The following SLX4IP variants were observed in gnomAD, a reference collection of about 807,000 sequenced individuals.
The protein encoded by SLX4IP is protein SLX4IP.
A neutral mutation model predicts 32.9 loss-of-function variants in SLX4IP; 34 were observed. The ratio of observed to expected loss-of-function variants is 1.03; its 90% CI spans 0.79 to 1.38. The LOEUF (loss-of-function observed/expected upper bound fraction) is 1.38, where lower values mean the gene tolerates loss of function less well. Among genes scored for constraint, SLX4IP ranks in the 40% most tolerant of loss-of-function variants. The probability of loss-of-function intolerance (pLI) is 0.00; values close to 1 mark genes in which losing one functional copy is unlikely to be tolerated. For synonymous variants in SLX4IP, 172 were observed against 171.7 expected (o/e 1.00, Z -0.01); for missense variants, 444 against 479.0 (o/e 0.93, Z 0.68).
chr20:10,506,780 G>C (rs2065763565), intron 2 of SLX4IP, among the ~76,000 whole-genome samples: 1 of 152,170 alleles, frequency 6.6e-6, no homozygotes. Flanking sequence ...CTATCCAACA[G>C]GAAAAAGCAG....
At chr20:10,604,034 A>G (rs898726196) in intron 6 of SLX4IP, among the ~76,000 whole-genome samples, 1 of 152,326 alleles carries the variant, frequency 6.6e-6, no homozygotes, top group South Asian at 2.1e-4. Context: ...CACTTGTTCC[A>G]TACTTCAAAT....
chr20:10,478,972 C>G (rs1321805428), intron 2 of SLX4IP, among the ~76,000 whole-genome samples: 2 of 152,230 alleles, frequency 1.3e-5, no homozygotes, highest in Non-Finnish European at 2.9e-5. Context: ...GGCGTATTAC[C>G]TCTATTCAGG....
At chr20:10,463,089 A>T (rs1447552056) in intron 2 of SLX4IP, among the ~76,000 whole-genome samples, 1 of 152,184 alleles carries the variant, frequency 6.6e-6, no homozygotes, top group Non-Finnish European at 1.5e-5. Context: ...AAACCCAAAG[A>T]GCCAGACGGT....
intron 6 of SLX4IP, among the ~76,000 whole-genome samples, chr20:10,609,577 C>T (rs3891507): frequency 1.3e-5 from 2 of 152,224 alleles, no homozygotes; most frequent in Non-Finnish European, 2.9e-5. Flanking sequence ...CCCAGGGCTA[C>T]TGTGGGCTCT....
intron 1 of SLX4IP, among the ~76,000 whole-genome samples, chr20:10,453,800 G>A (rs2065263376): frequency 6.6e-6 from 1 of 152,042 alleles, no homozygotes; most frequent in Non-Finnish European, 1.5e-5. Flanking sequence ...TGTAATATGG[G>A]TCAGTCTCCA....
chr20:10,611,314 C>T (rs970311311), intron 6 of SLX4IP, among the ~76,000 whole-genome samples: 4 of 152,182 alleles, frequency 2.6e-5, no homozygotes, highest in African/African-American at 9.7e-5. Flanking sequence ...TTTCACGAGA[C>T]AGCAAGGCCA....
chr20:10,456,870 G>A (rs963045781), intron 1 of SLX4IP, among the ~76,000 whole-genome samples: 2 of 152,100 alleles, frequency 1.3e-5, no homozygotes, highest in African/African-American at 4.8e-5. Flanking sequence ...ATGAACACGG[G>A]TTATCTTTCC....
At chr20:10,621,442 A>G (rs1412653870) in intron 7 of SLX4IP, 28 bp downstream of exon 7, 1 of 1,602,046 alleles carries the variant, frequency 6.2e-7, no homozygotes, top group Non-Finnish European at 8.6e-7. Flanking sequence ...CCTTTTTCTC[A>G]TTTTTGCCTG....
At chr20:10,451,739 C>A (rs1355009326) in intron 1 of SLX4IP, among the ~76,000 whole-genome samples, 1 of 151,706 alleles carries the variant, frequency 6.6e-6, no homozygotes, top group African/African-American at 2.4e-5. Flanking sequence ...GAGGCCGAGG[C>A]GGGTGAATCA....
rs1025546428 is a variant in SLX4IP, at chr20:10,613,644, C to T, written c.406-7670C>T. The stretch of plus-strand genomic sequence containing the variant: ...TGCTTCTTTGGCCTCTTCCTGAGCC[C>T]TCCTTTTCTTTGCATTCATCTTTTG... On this transcript the variant is annotated intron_variant, in intron 6 of 7. Transcript: ENST00000334534. 23 of 1,613,944 alleles carry T rather than the reference C, an allele frequency of 1.4e-5. No homozygotes were observed. In the African/African-American group the frequency reaches 2.8e-4, roughly 20 times the overall value.
At chr20:10,621,544 C>A in intron 7 of SLX4IP, 130 bp downstream of exon 7, 1 of 736,010 alleles carries the variant, frequency 1.4e-6, no homozygotes, top group South Asian at 1.6e-5. Context: ...TACTTACTCT[C>A]CCCTCCCTCC....
At chr20:10,548,735 C>T (rs2066189763) in intron 2 of SLX4IP, among the ~76,000 whole-genome samples, 1 of 152,170 alleles carries the variant, frequency 6.6e-6, no homozygotes, top group Non-Finnish European at 1.5e-5. Context: ...CTCAGTGTTT[C>T]CAGAACGCCA....
intron 1 of SLX4IP, among the ~76,000 whole-genome samples, chr20:10,440,323 T>C (rs6077789): frequency 0.49 from 74,118 of 151,390 alleles, 19,611 homozygotes; most frequent in Non-Finnish European, 0.6. Context: ...GGCATGGTGG[T>C]GCACACCTGT....
chr20:10,536,093 C>T (rs191703051), intron 2 of SLX4IP, among the ~76,000 whole-genome samples: 26 of 152,306 alleles, frequency 1.7e-4, no homozygotes, highest in South Asian at 6.2e-4. Context: ...ATGGCTCTTA[C>T]GGTATCTATA....
At chr20:10,551,267 C>G (rs182655690) in intron 2 of SLX4IP, among the ~76,000 whole-genome samples, 1 of 152,178 alleles carries the variant, frequency 6.6e-6, no homozygotes, top group Non-Finnish European at 1.5e-5. Context: ...TTCTTGTATT[C>G]CCATTTCACG....
chr20:10,591,660 C>A (rs1372264838), intron 4 of SLX4IP, among the ~76,000 whole-genome samples: 2 of 152,180 alleles, frequency 1.3e-5, no homozygotes, highest in Non-Finnish European at 2.9e-5. Context: ...TTATATTATT[C>A]TTATCATTAT....
intron 4 of SLX4IP, among the ~76,000 whole-genome samples, chr20:10,569,360 AT>A (rs755788259): frequency 6.6e-5 from 10 of 151,832 alleles, no homozygotes; most frequent in Non-Finnish European, 1.5e-4. Context: ...TAATTTTTAT[AT>A]TTTTAGTAGA....
At chr20:10,565,369 A>G (rs977955754) in intron 4 of SLX4IP, among the ~76,000 whole-genome samples, 1 of 152,188 alleles carries the variant, frequency 6.6e-6, no homozygotes, top group African/African-American at 2.4e-5. Context: ...AAGCTACGCA[A>G]AACAGCCTCA....
At chr20:10,487,293 T>A (rs2065583066) in intron 2 of SLX4IP, among the ~76,000 whole-genome samples, 1 of 152,134 alleles carries the variant, frequency 6.6e-6, no homozygotes, top group Non-Finnish European at 1.5e-5. Flanking sequence ...CTAAAGGCCT[T>A]AATGGAAAAG....
Sources: gnomAD v4.1 joint callset for allele counts (sites outside exome capture counted in the v4.1 genomes callset) on GRCh38, gnomAD v4.1.1 for gene constraint, MANE v1.5 for transcripts, NCBI Gene and HGNC (gene_info 2026-07-23, HGNC 2026-07-21) for gene names.